The following TTN variants were observed in gnomAD, a reference collection of about 807,000 sequenced individuals.
The protein encoded by TTN is titin, also known as connectin.
TTN carries 1,525 observed loss-of-function variants against 3,223.0 expected under a neutral mutation model. The observed-to-expected ratio is 0.47, with a 90% CI of 0.45 to 0.49. TTN has a LOEUF of 0.49. TTN is among the 20% of genes least tolerant of loss of function. The pLI is 0.00. For missense variants in TTN, 40,786 were observed against 43,424.0 expected, an observed-to-expected ratio of 0.94 and a Z score of 5.40; for synonymous variants, 14,094 against 15,161.0, an observed-to-expected ratio of 0.93 and a Z score of 5.17.
Position 178,590,620 on chromosome 2 carries a change from T to A in TTN, c.61105A>T (p.Ile20369Phe). Residue 20369 changes from isoleucine (I) to phenylalanine (F), a missense_variant, in exon 304 of 363, where the codon ATC becomes TTC. By Grantham distance (21) the Ile-to-Phe change is conservative. Transcript: ENST00000589042. ...TTAATAGGTGGTCCAGGTGGTTTGATGGGCCGGCAAGCTTTTATTGGATCA... is the reference window on the plus strand; with the variant it reads ...TTAATAGGTGGTCCAGGTGGTTTGAAGGGCCGGCAAGCTTTTATTGGATCA... ...SSDPIKACRP[I>F]KPPGPPINPK... 6.2e-7 allele frequency: 1 copy of A among 1,613,034 alleles called. No homozygotes were observed. The highest frequency in any genetic ancestry group is 8.5e-7 in the Non-Finnish European group (1 of 1,179,364).
intron 265 of TTN, 49 bp downstream of exon 265, chr2:178,612,724 G>T: frequency 6.4e-7 from 1 of 1,566,966 alleles, no homozygotes; most frequent in South Asian, 1.2e-5. Flanking sequence ...GTAGCTCACA[G>T]GCAGATATTA....
Position 178,548,023 on chromosome 2 carries a change from G to A in TTN, c.93603C>T (p.Phe31201=), listed in dbSNP as rs765759269. The A allele has an allele frequency of 1.7e-5, 27 of 1,613,704 alleles. No individual in the cohort carries two copies. The highest frequency in any genetic ancestry group is 2.3e-5 in the Non-Finnish European group (27 of 1,179,796). Residue 31201 remains phenylalanine, a synonymous_variant, in exon 339 of 363, where the codon TTC becomes TTT. Coordinates refer to ENST00000589042, the MANE Select transcript of TTN (RefSeq NM_001267550.2). The surrounding 1 kb of genome is among the most constrained non-coding windows in gnomAD (Gnocchi z 4.3). The stretch of plus-strand genomic sequence containing the variant: ...GAGGCTCCTTAATGATGACAGAAGA[G>A]AAGGCTTCTCTGGGTTCACTATAGC... ...DAGYSEPREA[F]SSVIIKEPQI...
At chr2:178,797,137 C>A (rs750473508) in intron 6 of TTN, among the ~76,000 whole-genome samples, 10 of 152,112 alleles carry the variant, frequency 6.6e-5, no homozygotes, top group Non-Finnish European at 1.2e-4. Flanking sequence ...GACCCTTAGG[C>A]TTGGGTTTTA....
intron 212 of TTN, 62 bp downstream of exon 212, chr2:178,649,492 G>A (rs2062572713): frequency 1.3e-6 from 2 of 1,490,856 alleles, no homozygotes; most frequent in Non-Finnish European, 1.8e-6. Flanking sequence ...ACAACTTATT[G>A]GATTCCACTT....
At position 178,721,023 on chromosome 2, in the gene TTN, G is replaced by C. The variant is rs2078276460; in HGVS notation, c.22996C>G (p.Leu7666Val). 1 of 1,613,342 alleles carries C rather than the reference G, an allele frequency of 6.2e-7. No individual in the cohort carries two copies. Among genetic ancestry groups the C allele is most frequent in the East Asian group, 2.2e-5 (1 of 44,860 alleles). ...NMSFINSVALLTINEASAEDS... is the reference protein window; with the variant it reads ...NMSFINSVALVTINEASAEDS... ...TCAGCACTAGCTTCATTGATCGTAA[G>C]CAATGCCACAGAATTAATGAATGAC... Residue 7666 changes from leucine (L) to valine (V), a missense_variant, in exon 79 of 363, where the codon CTT becomes GTT. Leu to Val is a conservative substitution (Grantham distance 32). Transcript: ENST00000589042.
In TTN at chr2:178,532,011, G is replaced by A. The variant is rs765047045; in HGVS notation, c.104604C>T (p.Tyr34868=). The change falls in exon 358 of 363, where the codon TAC becomes TAT. Residue 34868 remains tyrosine, a synonymous_variant. Coordinates refer to ENST00000589042, the MANE Select transcript of TTN (RefSeq NM_001267550.2). ...GTGACCTTCTTTCTGTGTCATCTTC[G>A]TATTCCTCAGCCGGTTGTGGACGTG... The part of the protein sequence containing the change: ...IRSRPQPAEE[Y]EDDTERRSPT... 8.1e-6 allele frequency: 13 copies of A among 1,613,696 alleles called. No individual in the cohort carries two copies. The highest frequency in any genetic ancestry group is 6.6e-5 in the South Asian group (6 of 91,070).
In TTN at chr2:178,720,014, C is replaced by A; in HGVS notation, c.23628G>T (p.Met7876Ile). 1.2e-6 allele frequency: 2 copies of A among 1,612,234 alleles called. No individual in the cohort carries two copies. Among genetic ancestry groups the A allele is most frequent in the Middle Eastern group, 1.7e-4 (1 of 6,052 alleles). The change falls in exon 81 of 363, where the codon ATG becomes ATT. Residue 7876 changes from methionine to isoleucine, a missense_variant. Coordinates refer to ENST00000589042, the MANE Select transcript of TTN (RefSeq NM_001267550.2). ...CAGTCAAGACTGCAGAGCATTCTCT[C>A]ATTCCAGCATCGTTTTTGATTTGGC... ...YICQIKNDAG[M>I]RECSAVLTVL... is the part of the protein sequence containing the mutation.
intron 312 of TTN, 173 bp downstream of exon 312, chr2:178,583,434 T>G (rs1047329424): frequency 3.4e-6 from 3 of 869,864 alleles, no homozygotes; most frequent in East Asian, 5.7e-5. Flanking sequence ...GTATCTTGCT[T>G]TTTAATTTAG....
At chr2:178,592,358 C>T (rs774994468) in intron 301 of TTN, 21 bp downstream of exon 301, 52 of 1,606,362 alleles carry the variant, frequency 3.2e-5, no homozygotes, top group Non-Finnish European at 4.2e-5. Flanking sequence ...TTTTTAATGG[C>T]CTAAGTAGTA....
chr2:178,722,735 A>G lies in TTN; in HGVS notation c.22164T>C (p.Asn7388=), dbSNP rs376581098. 5.6e-6 allele frequency: 9 copies of G among 1,613,200 alleles called. No individual in the cohort carries two copies. The highest frequency in any genetic ancestry group is 5.0e-5 in the Admixed American group (3 of 59,950). The change falls in exon 76 of 363, where the codon AAT becomes AAC. Residue 7388 remains asparagine (N), a synonymous_variant. Transcript: ENST00000589042. ...CTTTGCATGTGTACTCTCCACTGTC[A>G]TTGATGTTCACTTTATTAAAAACAA... is the stretch of plus-strand genomic sequence containing the variant. ...ATLVFNKVNI[N]DSGEYTCKAE...
At chr2:178,626,260 C>T (rs2154216595) in intron 240 of TTN, among the ~76,000 whole-genome samples, 1 of 152,058 alleles carries the variant, frequency 6.6e-6, no homozygotes, top group Non-Finnish European at 1.5e-5. Flanking sequence ...ATTTGTACAA[C>T]CTATTAATTT....
intron 312 of TTN, 54 bp from the exon 313 acceptor site, chr2:178,583,281 C>A: frequency 7.2e-7 from 1 of 1,388,716 alleles, no homozygotes; most frequent in South Asian, 1.8e-5. Flanking sequence ...ATTATGTAAT[C>A]CTTATTAATA....
At position 178,587,160 on chromosome 2, in the gene TTN, G is replaced by A. The variant is rs1421350004; in HGVS notation, c.64051C>T (p.Pro21351Ser). 5.0e-6 allele frequency: 8 copies of A among 1,613,224 alleles called. No homozygotes were observed. Among genetic ancestry groups the A allele is most frequent in the Non-Finnish European group, 5.1e-6 (6 of 1,179,412 alleles). ...TAVNEYGPGV[P>S]TDVPKPVLAS... Reference sequence around the variant, plus strand: ...AGCACTGGTTTTGGGACATCTGTTGGGACGCCAGGGCCATATTCGTTGACA... The same window carrying A: ...AGCACTGGTTTTGGGACATCTGTTGAGACGCCAGGGCCATATTCGTTGACA... Residue 21351 changes from proline (P) to serine (S), a missense_variant, in exon 307 of 363, where the codon CCA becomes TCA. Transcript: ENST00000589042.
Position 178,553,754 on chromosome 2 carries a change from T to A in TTN, c.89251A>T (p.Ile29751Phe), listed in dbSNP as rs1367538790. ...ACAGGCTTACTCCAGCCAAGGGTGA[T>A]GGATGACTTGGTTGAATCTGCGATT... The part of the protein sequence containing the change: ...IRIADSTKSS[I>F]TLGWSKPVYD... Residue 29751 changes from isoleucine to phenylalanine, a missense_variant, in exon 334 of 363, where the codon ATC becomes TTC. Ile to Phe is a conservative substitution (Grantham distance 21). Transcript: ENST00000589042. The A allele has an allele frequency of 6.2e-7, 1 of 1,610,432 alleles. No homozygotes were observed. Among genetic ancestry groups the A allele is most frequent in the Non-Finnish European group, 8.5e-7 (1 of 1,177,664 alleles).
rs367627606 is a variant in TTN at position 178,752,863 on chromosome 2, T to C, written c.11311+261A>G. Reference sequence around the variant, plus strand: ...TTCTCCTAATATACACTTTTGGAAATGACTGCAAACATAAAGTTGAATTTG... The same window carrying C: ...TTCTCCTAATATACACTTTTGGAAACGACTGCAAACATAAAGTTGAATTTG... On this transcript the variant is annotated intron_variant, in intron 47 of 362. Transcript: ENST00000589042. 3.3e-4 allele frequency among the ~76,000 whole-genome samples: 50 copies of C among 152,196 alleles called. 1 individual carries two copies. The South Asian group carries it at 9.7e-3, about 30-fold the overall frequency.
At chr2:178,528,491 A>T (rs1352965064) in intron 360 of TTN, 37 bp downstream of exon 360, 6 of 1,595,412 alleles carry the variant, frequency 3.8e-6, no homozygotes, top group Non-Finnish European at 5.1e-6. Flanking sequence ...ATGGTATTTT[A>T]GTTTTTCTTC....
Position 178,576,426 on chromosome 2 carries a change from A to G in TTN, c.69716-10T>C, listed in dbSNP as rs371495009. On this transcript the variant is annotated splice_polypyrimidine_tract_variant and intron_variant, in intron 325 of 362. Transcript: ENST00000589042. This position sits in a 1 kb window ranked among gnomAD's most constrained non-coding sequence, Gnocchi z 4.3. ...GGTGGTCCTGGAGGATCTGAGAAAGAAACAAAGACACAAAAGTATATATTC... is the reference window on the plus strand; with the variant it reads ...GGTGGTCCTGGAGGATCTGAGAAAGGAACAAAGACACAAAAGTATATATTC... 7.6e-6 allele frequency: 12 copies of G among 1,577,284 alleles called. No individual in the cohort carries two copies. The African/African-American group carries it at 1.7e-4, about 22-fold the overall frequency.
At chr2:178,791,661 A>G (rs368205566) in intron 10 of TTN, among the ~76,000 whole-genome samples, 2 of 95,914 alleles carry the variant, frequency 2.1e-5, no homozygotes, top group Admixed American at 1.1e-4. Context: ...ATGTATGTGT[A>G]TATGTGTGTG....
chr2:178,774,571 A>G (rs950609470), intron 29 of TTN, 98 bp from the exon 30 acceptor site: 64 of 1,101,192 alleles, frequency 5.8e-5, no homozygotes, highest in South Asian at 3.9e-4. Context: ...TATCTCCCCC[A>G]TACTATCAGG....
Sources: allele counts gnomAD v4.1 joint callset (sites outside exome capture counted in the v4.1 genomes callset), GRCh38; gene constraint gnomAD v4.1.1; non-coding constraint Gnocchi (gnomAD v3.1); transcripts MANE v1.5; gene names NCBI Gene and HGNC (gene_info 2026-07-23, HGNC 2026-07-21).